The following PRKD1 variants were observed in gnomAD, a reference collection of about 807,000 sequenced individuals.
The protein encoded by PRKD1 is serine/threonine-protein kinase D1.
In PRKD1, 63 loss-of-function variants were observed where a neutral mutation model predicts 95.9. That is an observed-to-expected ratio of 0.66 (90% CI 0.54 to 0.81). The LOEUF is 0.81. PRKD1 is among the 30% of genes least tolerant of loss of function. The pLI is 0.00. For synonymous variants in PRKD1, 425 were observed against 423.1 expected (o/e 1.00, Z -0.05); for missense variants, 1,048 against 1,165.3 (o/e 0.90, Z 1.47).
chr14:29,609,537 C>CACAA (rs1364195981), intron 13 of PRKD1, among the ~76,000 whole-genome samples: 2 of 142,770 alleles, frequency 1.4e-5, no homozygotes, highest in Non-Finnish European at 3.0e-5. Flanking sequence ...CACACACACA[C>CACAA]ATATATATAT....
chr14:29,894,524 T>C (rs1402461963), intron 1 of PRKD1, among the ~76,000 whole-genome samples: 1 of 152,232 alleles, frequency 6.6e-6, no homozygotes, highest in African/African-American at 2.4e-5. Flanking sequence ...TGTTTTACAC[T>C]GCAGCATGAT....
chr14:29,645,077 C>G (rs1881040444), intron 4 of PRKD1, among the ~76,000 whole-genome samples: 1 of 152,066 alleles, frequency 6.6e-6, no homozygotes, highest in Non-Finnish European at 1.5e-5. Context: ...AACAATGATT[C>G]CTTTCTCCTT....
chr14:29,909,360 C>A (rs1207914982), intron 1 of PRKD1, among the ~76,000 whole-genome samples: 1 of 151,298 alleles, frequency 6.6e-6, no homozygotes, highest in Non-Finnish European at 1.5e-5. Context: ...TCCATGGCGC[C>A]CAGTCCCATC....
intron 2 of PRKD1, among the ~76,000 whole-genome samples, chr14:29,709,160 T>C (rs1391749144): frequency 1.3e-5 from 2 of 152,158 alleles, no homozygotes; most frequent in Non-Finnish European, 2.9e-5. Flanking sequence ...CCCATAAAGT[T>C]AGCTTACTCA....
At chr14:29,811,570 C>T (rs750429230) in intron 1 of PRKD1, among the ~76,000 whole-genome samples, 9 of 152,240 alleles carry the variant, frequency 5.9e-5, no homozygotes, top group Non-Finnish European at 1.2e-4. Flanking sequence ...CATCTATGCC[C>T]TGTTCTAAGA....
Position 29,588,046 on chromosome 14 carries a change from A to G in PRKD1, c.2434+9445T>C, listed in dbSNP as rs1008223418. On this transcript the variant is annotated intron_variant, in intron 16 of 17. Transcript: ENST00000331968. The stretch of plus-strand genomic sequence containing the variant: ...AGTGTGTTAATATGTTGACAAATCA[A>G]TCTATTCATTAATATTCAGCAGGCT... 2.6e-5 allele frequency among the ~76,000 whole-genome samples: 4 copies of G among 152,258 alleles called. No homozygotes were observed. In the East Asian group the frequency reaches 7.7e-4, roughly 29 times the overall value.
chr14:29,699,975 A>G (rs946733571), intron 2 of PRKD1, among the ~76,000 whole-genome samples: 8 of 152,052 alleles, frequency 5.3e-5, no homozygotes, highest in African/African-American at 1.9e-4. Context: ...GGTATTTTAA[A>G]GTTTTATTTA....
At chr14:29,878,685 T>C (rs373078036) in intron 1 of PRKD1, among the ~76,000 whole-genome samples, 1 of 152,202 alleles carries the variant, frequency 6.6e-6, no homozygotes, top group East Asian at 1.9e-4. Flanking sequence ...ATTCCACTTA[T>C]ATGAAATATT....
intron 1 of PRKD1, among the ~76,000 whole-genome samples, chr14:29,915,389 T>A (rs1405130610): frequency 1.3e-5 from 2 of 152,142 alleles, no homozygotes; most frequent in African/African-American, 2.4e-5. Flanking sequence ...TCAAAAAAAA[T>A]TTACAATTAG....
intron 3 of PRKD1, 23 bp from the exon 4 acceptor site, chr14:29,663,882 A>T: frequency 6.2e-7 from 1 of 1,605,574 alleles, no homozygotes. Flanking sequence ...AATAAAAATT[A>T]TTTTTATTGA....
intron 2 of PRKD1, among the ~76,000 whole-genome samples, chr14:29,686,808 A>G (rs772896455): frequency 6.6e-6 from 1 of 152,244 alleles, no homozygotes; most frequent in Admixed American, 6.5e-5. Context: ...TCCTTGGCAC[A>G]CAATTAAGTA....
chr14:29,914,575 A>C (rs1040652175), intron 1 of PRKD1, among the ~76,000 whole-genome samples: 3 of 152,090 alleles, frequency 2.0e-5, no homozygotes, highest in Non-Finnish European at 4.4e-5. Context: ...CTCTACAAAA[A>C]ATACAAAAAT....
chr14:29,788,435 C>T (rs1027983995), intron 1 of PRKD1, among the ~76,000 whole-genome samples: 1 of 152,122 alleles, frequency 6.6e-6, no homozygotes, highest in Non-Finnish European at 1.5e-5. Context: ...GATTTTTGAC[C>T]TTCCTTATCT....
Position 29,663,873 on chromosome 14 carries a change from A to T in PRKD1, c.536-14T>A, listed in dbSNP as rs1453177414. The T allele has an allele frequency of 6.2e-7, 1 of 1,608,844 alleles. No individual in the cohort carries two copies. Among genetic ancestry groups the T allele is most frequent in the Non-Finnish European group, 8.5e-7 (1 of 1,175,990 alleles). ...TCAGACCACACCCTGGAAAGGGAAA[A>T]TAAAAATTATTTTTATTGAACCATA... On this transcript the variant is annotated splice_polypyrimidine_tract_variant and intron_variant, in intron 3 of 17. Transcript: ENST00000331968.
intron 1 of PRKD1, among the ~76,000 whole-genome samples, chr14:29,801,243 T>A (rs969151274): frequency 4.6e-5 from 7 of 152,210 alleles, no homozygotes; most frequent in Non-Finnish European, 1.0e-4. Flanking sequence ...AACTGATTGA[T>A]GAGGCCTCCC....
intron 1 of PRKD1, among the ~76,000 whole-genome samples, chr14:29,841,350 G>T (rs1273379680): frequency 6.6e-6 from 1 of 152,044 alleles, no homozygotes; most frequent in Admixed American, 6.6e-5. Context: ...GGATGGGCCG[G>T]GGCAGAATTA....
At chr14:29,629,720 A>G (rs1879858299) in intron 10 of PRKD1, among the ~76,000 whole-genome samples, 1 of 152,086 alleles carries the variant, frequency 6.6e-6, no homozygotes, top group Admixed American at 6.6e-5. Context: ...TCAATACTGA[A>G]TCTAGGTTGC....
intron 13 of PRKD1, among the ~76,000 whole-genome samples, chr14:29,622,724 C>A (rs914415669): frequency 1.3e-5 from 2 of 152,078 alleles, no homozygotes; most frequent in Admixed American, 1.3e-4. Context: ...TTCTACCTCT[C>A]GAGTCAGTAG....
chr14:29,746,739 G>C (rs1363468539), intron 1 of PRKD1, among the ~76,000 whole-genome samples: 1 of 152,046 alleles, frequency 6.6e-6, no homozygotes. Flanking sequence ...ATTATTCAGT[G>C]AACGAATTTT....
Sources: allele counts gnomAD v4.1 joint callset (sites outside exome capture counted in the v4.1 genomes callset), GRCh38; gene constraint gnomAD v4.1.1; transcripts MANE v1.5; gene names NCBI Gene and HGNC (gene_info 2026-07-23, HGNC 2026-07-21).